IPCEF1: variants seen among roughly 807,000 people sequenced by gnomAD.
IPCEF1 encodes interaction protein for cytohesin exchange factors 1.
IPCEF1 carries 31 observed loss-of-function variants against 50.9 expected under a neutral mutation model. The observed-to-expected ratio is 0.61, with a 90% CI of 0.46 to 0.82. The LOEUF (loss-of-function observed/expected upper bound fraction) is 0.82, where lower values mean the gene tolerates loss of function less well. Ranked by LOEUF, IPCEF1 falls within the 40% of genes least tolerant of loss-of-function variation. IPCEF1 has a pLI of 0.00. For missense variants in IPCEF1, 458 were observed against 514.0 expected, an observed-to-expected ratio of 0.89 and a Z score of 1.05; for synonymous variants, 181 against 192.0, an observed-to-expected ratio of 0.94 and a Z score of 0.47.
At chr6:154,331,032 C>T (rs1470441947) in intron 1 of IPCEF1, among the ~76,000 whole-genome samples, 1 of 151,960 alleles carries the variant, frequency 6.6e-6, no homozygotes, top group Admixed American at 6.6e-5. Flanking sequence ...TTCAGGAGGC[C>T]GAGGCGGGTG....
At chr6:154,332,126 G>A (rs1783686051) in intron 1 of IPCEF1, among the ~76,000 whole-genome samples, 1 of 152,094 alleles carries the variant, frequency 6.6e-6, no homozygotes, top group South Asian at 2.1e-4. Flanking sequence ...TGTTGCCACT[G>A]CTAACAAAAA....
chr6:154,167,402 G>A (rs1389057502), intron 11 of IPCEF1, among the ~76,000 whole-genome samples: 1 of 152,118 alleles, frequency 6.6e-6, no homozygotes, highest in Non-Finnish European at 1.5e-5. Flanking sequence ...GGCTCTCATG[G>A]TGCTCCTTGG....
At chr6:154,288,143 A>G (rs1583949417) in intron 2 of IPCEF1, among the ~76,000 whole-genome samples, 1 of 152,252 alleles carries the variant, frequency 6.6e-6, no homozygotes, top group East Asian at 1.9e-4. Flanking sequence ...GAGAAGGGCA[A>G]TGGTCACCAA....
rs546707970 is a variant in IPCEF1 at position 154,228,061 on chromosome 6, C to T, written c.247-4818G>A. On this transcript the variant is annotated intron_variant, in intron 5 of 11. Transcript: ENST00000367220. The stretch of plus-strand genomic sequence containing the variant: ...AGAATGACAGTGTTCTTCTCTTCCT[C>T]CTCCTTTTCCTCCTCCTCCGCTTCT... Among the ~76,000 whole-genome samples the T allele has an allele frequency of 2.6e-5, 4 of 152,272 alleles. No individual in the cohort carries two copies. In the South Asian group the frequency reaches 8.3e-4, roughly 32 times the overall value.
At chr6:154,347,104 CA>C (rs1339826652) in intron 1 of IPCEF1, among the ~76,000 whole-genome samples, 1 of 152,196 alleles carries the variant, frequency 6.6e-6, no homozygotes, top group Non-Finnish European at 1.5e-5. Context: ...ATTATTCACC[CA>C]AACAGGCTTC....
intron 1 of IPCEF1, among the ~76,000 whole-genome samples, chr6:154,308,009 C>T (rs73571039): frequency 0.071 from 10,738 of 152,224 alleles, 556 homozygotes; most frequent in African/African-American, 0.14. Context: ...AACGTTGCCC[C>T]TTTAAATAAA....
At chr6:154,345,186 G>A (rs772055562) in intron 1 of IPCEF1, among the ~76,000 whole-genome samples, 4 of 152,162 alleles carry the variant, frequency 2.6e-5, no homozygotes, top group African/African-American at 9.7e-5. Context: ...TTTGTTTAAT[G>A]TTTCATGTGT....
intron 10 of IPCEF1, among the ~76,000 whole-genome samples, chr6:154,172,786 G>A (rs1227364671): frequency 1.3e-5 from 2 of 152,236 alleles, no homozygotes; most frequent in Non-Finnish European, 2.9e-5. Flanking sequence ...GTCCTTGCCT[G>A]ACAGCTCTGA....
chr6:154,238,988 GA>G lies in IPCEF1; in HGVS notation c.246+7602del, dbSNP rs1780365909. 6.6e-5 allele frequency among the ~76,000 whole-genome samples: 10 copies of G among 151,914 alleles called. No individual in the cohort carries two copies. The South Asian group carries it at 2.1e-3, about 32-fold the overall frequency. ...AAAGTACTATGCACTGTCCACCAGA[GA>G]AAAGAAGGAAGCTGTATCCCCTGAG... is the stretch of plus-strand genomic sequence containing the variant. On this transcript the variant is annotated intron_variant, in intron 5 of 11. Coordinates refer to ENST00000367220, the MANE Select transcript of IPCEF1 (RefSeq NM_001130700.2).
intron 11 of IPCEF1, among the ~76,000 whole-genome samples, chr6:154,162,077 G>T (rs1027575949): frequency 6.6e-6 from 1 of 152,160 alleles, no homozygotes; most frequent in Admixed American, 6.5e-5. Flanking sequence ...GAACTACATG[G>T]ATGCAAATCT....
chr6:154,308,450 G>T (rs888834486), intron 1 of IPCEF1, among the ~76,000 whole-genome samples: 2 of 152,018 alleles, frequency 1.3e-5, no homozygotes, highest in African/African-American at 4.8e-5. Flanking sequence ...TTTAATGAGG[G>T]CTCCACATTT....
chr6:154,238,625 T>G (rs1433964708), intron 5 of IPCEF1, among the ~76,000 whole-genome samples: 1 of 152,182 alleles, frequency 6.6e-6, no homozygotes, highest in Non-Finnish European at 1.5e-5. Flanking sequence ...ATGTCTGTCT[T>G]CTTTTTTTAT....
At chr6:154,304,486 CA>C (rs1403807197) in intron 1 of IPCEF1, among the ~76,000 whole-genome samples, 1 of 142,638 alleles carries the variant, frequency 7.0e-6, no homozygotes, top group Non-Finnish European at 1.6e-5. Context: ...TCTGTGTTCC[CA>C]ACTCATAGCC....
chr6:154,167,834 C>A, intron 11 of IPCEF1, 86 bp downstream of exon 11: 1 of 998,084 alleles, frequency 1.0e-6, no homozygotes, highest in Non-Finnish European at 1.5e-6. Flanking sequence ...CACAAACATG[C>A]TGTGATTAGC....
At chr6:154,316,659 TGA>T in intron 1 of IPCEF1, among the ~76,000 whole-genome samples, 1 of 152,150 alleles carries the variant, frequency 6.6e-6, no homozygotes, top group Non-Finnish European at 1.5e-5. Context: ...AAAAGTTCAA[TGA>T]AACAGGAGAA....
At chr6:154,340,800 G>A (rs926168367) in intron 1 of IPCEF1, among the ~76,000 whole-genome samples, 4 of 150,680 alleles carry the variant, frequency 2.7e-5, no homozygotes, top group Admixed American at 1.3e-4. Flanking sequence ...CAGGAGAATC[G>A]CTTGAACCCA....
intron 10 of IPCEF1, among the ~76,000 whole-genome samples, chr6:154,183,169 C>T (rs9478513): frequency 0.35 from 52,571 of 151,560 alleles, 9,474 homozygotes; most frequent in Middle Eastern, 0.47. Context: ...TTAGTAGAGA[C>T]GGGGTTTCAC....
intron 10 of IPCEF1, among the ~76,000 whole-genome samples, chr6:154,180,414 A>ATATATATATATATATATATATTTTTTTTT (rs1241250621): frequency 1.5e-5 from 1 of 65,262 alleles, no homozygotes; most frequent in African/African-American, 4.8e-5. Flanking sequence ...ATATATATAT[A>ATATATATATATATATATATATTTTTTTTT]TTTTTTTTTT....
intron 5 of IPCEF1, among the ~76,000 whole-genome samples, chr6:154,236,219 G>A (rs1463375812): frequency 6.6e-6 from 1 of 152,144 alleles, no homozygotes; most frequent in Non-Finnish European, 1.5e-5. Flanking sequence ...AGCTTAAAAA[G>A]GAAGACAATT....
Sources: gnomAD v4.1 joint callset for allele counts (sites outside exome capture counted in the v4.1 genomes callset) on GRCh38, gnomAD v4.1.1 for gene constraint, MANE v1.5 for transcripts, NCBI Gene and HGNC (gene_info 2026-07-23, HGNC 2026-07-21) for gene names.